The following GPT2 variants were observed in gnomAD, a reference collection of about 807,000 sequenced individuals.
GPT2 encodes the protein glutamic--pyruvic transaminase 2, also known as alanine aminotransferase 2.
Under a neutral mutation model 56.9 loss-of-function variants are expected in GPT2, and 30 were observed. The observed-to-expected ratio is 0.53, with a 90% confidence interval of 0.39 to 0.72. The LOEUF is 0.72. Among genes scored for constraint, GPT2 ranks in the 30% least tolerant of loss-of-function variants. GPT2 has a pLI of 0.00. For missense variants in GPT2, 542 were observed against 703.4 expected (o/e 0.77, Z 2.60); for synonymous variants, 271 against 283.1 (o/e 0.96, Z 0.43).
intron 8 of GPT2, among the ~76,000 whole-genome samples, chr16:46,921,466 C>G (rs1961285576): frequency 1.3e-5 from 2 of 152,150 alleles, no homozygotes; most frequent in Non-Finnish European, 2.9e-5. Flanking sequence ...AGCCACTTCA[C>G]CCGGCTCCCC....
rs376013108 is a variant in GPT2, at chr16:46,930,954, G to T, written c.*1957G>T. On this transcript the variant is annotated 3_prime_UTR_variant, in exon 12 of 12. Coordinates refer to ENST00000340124, the MANE Select transcript of GPT2 (RefSeq NM_133443.4). ...TTTGGTTTTCTACAGATTCTGTTCC[G>T]GTGCCTTTCCTATCCAGGCACCACC... The T allele has an allele frequency of 6.6e-6, 1 of 152,578 alleles. No homozygotes were observed. The highest frequency in any genetic ancestry group is 2.4e-5 in the African/African-American group (1 of 41,430). 9.5% of individuals were successfully genotyped at this position (152,578 alleles called of 1,614,324 possible).
At chr16:46,922,979 T>C (rs545545615) in intron 9 of GPT2, among the ~76,000 whole-genome samples, 1 of 152,344 alleles carries the variant, frequency 6.6e-6, no homozygotes, top group African/African-American at 2.4e-5. Flanking sequence ...TGCTCGGTTT[T>C]CTGGCATTCA....
intron 5 of GPT2, among the ~76,000 whole-genome samples, 185 bp downstream of exon 5, chr16:46,907,160 A>G (rs1166239355): frequency 6.6e-6 from 1 of 152,160 alleles, no homozygotes; most frequent in Non-Finnish European, 1.5e-5. Context: ...CCTAGACACT[A>G]CTGCAGCCTC....
chr16:46,904,483 A>T (rs751161769), intron 4 of GPT2, among the ~76,000 whole-genome samples: 1 of 152,222 alleles, frequency 6.6e-6, no homozygotes, highest in African/African-American at 2.4e-5. Flanking sequence ...GTGGAGCAGA[A>T]TCTTTAGGGC....
At chr16:46,928,194 G>A (rs946619791) in intron 11 of GPT2, among the ~76,000 whole-genome samples, 1 of 151,982 alleles carries the variant, frequency 6.6e-6, no homozygotes, top group Admixed American at 6.6e-5. Context: ...CAGGGATGTT[G>A]GCGCATGCCC....
In GPT2 at chr16:46,924,513, T is replaced by C. The variant is rs143345782; in HGVS notation, c.1337T>C (p.Phe446Ser). 20 of 1,614,236 alleles carry C rather than the reference T, an allele frequency of 1.2e-5. No individual in the cohort carries two copies. The African/African-American group carries it at 2.1e-4, about 17-fold the overall frequency. The change falls in exon 10 of 12, where the codon TTC becomes TCC. Residue 446 changes from phenylalanine (F) to serine (S), a missense_variant. Physicochemically the swap from Phe to Ser is radical, Grantham distance 155. Coordinates refer to ENST00000340124, the MANE Select transcript of GPT2 (RefSeq NM_133443.4). ...QGAMYAFPRIFIPAKAVEAAQ... is the reference protein window; with the variant it reads ...QGAMYAFPRISIPAKAVEAAQ... ...GCCATGTACGCCTTCCCTCGGATCT[T>C]CATTCCTGCCAAAGCTGTGGAGGCT...
In GPT2 at chr16:46,884,443, G is replaced by T; in HGVS notation, c.-47G>T. On this transcript the variant is annotated 5_prime_UTR_variant, in exon 1 of 12. Transcript: ENST00000340124. ...CCAGGCGCGCGAGCTAACCGAGTGC[G>T]GCGAGGGCCTACCAGGGGCGACAGG... 3.3e-6 allele frequency: 1 copy of T among 301,242 alleles called. No homozygotes were observed. The highest frequency in any genetic ancestry group is 6.1e-6 in the Non-Finnish European group (1 of 164,848). 18.7% of individuals were successfully genotyped at this position (301,242 alleles called of 1,614,324 possible). A position where few individuals can be genotyped will look rare whatever the true frequency, so the allele number is the denominator to read the frequency against.
chr16:46,928,572 C>T (rs559936881), intron 11 of GPT2, among the ~76,000 whole-genome samples: 6 of 149,606 alleles, frequency 4.0e-5, no homozygotes, highest in Non-Finnish European at 7.4e-5. Flanking sequence ...GCAGTGATCG[C>T]GCAATTGCAC....
intron 2 of GPT2, among the ~76,000 whole-genome samples, chr16:46,896,554 GA>G (rs1419997619): frequency 2.0e-5 from 3 of 152,052 alleles, no homozygotes; most frequent in African/African-American, 7.2e-5. Flanking sequence ...CATGTCTTCC[GA>G]TGGGGAGGGT....
chr16:46,900,676 C>T lies in GPT2; in HGVS notation c.334-6C>T, dbSNP rs747827316. On this transcript the variant is annotated splice_region_variant and splice_polypyrimidine_tract_variant and intron_variant, in intron 3 of 11. Transcript: ENST00000340124. ...TGGGAGCTCAGCCTGTGTCTTGTTC[C>T]CCCAGGTGATGGCACTATGCACCTA... The T allele has an allele frequency of 3.1e-6, 5 of 1,610,050 alleles. No individual in the cohort carries two copies. The Admixed American group carries it at 6.7e-5, about 21-fold the overall frequency.
At chr16:46,907,217 C>T (rs1032466583) in intron 5 of GPT2, among the ~76,000 whole-genome samples, 1 of 152,194 alleles carries the variant, frequency 6.6e-6, no homozygotes, top group Non-Finnish European at 1.5e-5. Context: ...GCAGAGAAGC[C>T]GGGGGACACC....
Position 46,906,988 on chromosome 16 carries a change from G to A in GPT2, c.576+13G>A. On this transcript the variant is annotated intron_variant, in intron 5 of 11. Transcript: ENST00000340124. ...TGACGGCATTTCTGTACGTGTGAGG[G>A]TGGCTCGTTGTTATCCGGTGTTTAC... 1.2e-6 allele frequency: 2 copies of A among 1,614,110 alleles called. No homozygotes were observed. Among genetic ancestry groups the A allele is most frequent in the Non-Finnish European group, 1.7e-6 (2 of 1,179,966 alleles).
chr16:46,922,459 A>C, intron 9 of GPT2, 43 bp downstream of exon 9: 1 of 1,541,916 alleles, frequency 6.5e-7, no homozygotes, highest in East Asian at 2.3e-5. Flanking sequence ...GGCCGGGGTC[A>C]CGAGAGTTCC....
chr16:46,924,306 C>T (rs903746304), intron 9 of GPT2, 83 bp from the exon 10 acceptor site: 9 of 1,472,026 alleles, frequency 6.1e-6, no homozygotes, highest in Admixed American at 1.7e-5. Flanking sequence ...GGGATTTCCG[C>T]AAGTGCTGCA....
At chr16:46,911,376 C>T (rs757434758) in intron 6 of GPT2, among the ~76,000 whole-genome samples, 23 of 152,226 alleles carry the variant, frequency 1.5e-4, no homozygotes, top group East Asian at 3.9e-4. Flanking sequence ...ATCTGTTTCT[C>T]GGGAACATCA....
chr16:46,898,926 ATGTG>A (rs1255913213), intron 3 of GPT2, among the ~76,000 whole-genome samples: 26 of 142,880 alleles, frequency 1.8e-4, no homozygotes, highest in East Asian at 1.4e-3. Flanking sequence ...ACACATATAT[ATGTG>A]TATATATATA....
chr16:46,927,118 T>A, intron 11 of GPT2, 81 bp downstream of exon 11: 1 of 837,520 alleles, frequency 1.2e-6, no homozygotes, highest in Non-Finnish European at 1.9e-6. Context: ...AGCAGAGGAC[T>A]ACTTCAAAGA....
intron 2 of GPT2, among the ~76,000 whole-genome samples, chr16:46,887,859 C>T (rs1008398324): frequency 2.6e-5 from 4 of 152,142 alleles, no homozygotes; most frequent in Admixed American, 2.6e-4. Context: ...GTGGGGAGGT[C>T]GGCTAAGGGC....
At chr16:46,887,002 CT>C (rs1567331550) in intron 2 of GPT2, among the ~76,000 whole-genome samples, 1 of 152,192 alleles carries the variant, frequency 6.6e-6, no homozygotes, top group Non-Finnish European at 1.5e-5. Flanking sequence ...CTTAGATAGC[CT>C]CATTGAAACC....
Sources: gnomAD v4.1 joint callset for allele counts (sites outside exome capture counted in the v4.1 genomes callset) on GRCh38, gnomAD v4.1.1 for gene constraint, MANE v1.5 for transcripts, NCBI Gene and HGNC (gene_info 2026-07-23, HGNC 2026-07-21) for gene names.